Variants in ARHGEF6 observed in about 807,000 individuals in gnomAD.
ARHGEF6 encodes the protein rho guanine nucleotide exchange factor 6.
In ARHGEF6, 9 loss-of-function variants were observed where a neutral mutation model predicts 70.3. The observed-to-expected ratio is 0.13, with a 90% CI of 0.08 to 0.22. ARHGEF6 has a LOEUF of 0.22. Among genes scored for constraint, ARHGEF6 ranks in the 10% least tolerant of loss-of-function variants. The pLI is 1.00. For synonymous variants in ARHGEF6, 201 were observed against 207.8 expected, an observed-to-expected ratio of 0.97 and a Z score of 0.28; for missense variants, 470 against 563.0, an observed-to-expected ratio of 0.83 and a Z score of 1.67.
chrX:136,708,171 T>C (rs1490614108), intron 8 of ARHGEF6, among the ~76,000 whole-genome samples: 1 of 110,934 alleles, frequency 9.0e-6, no homozygotes, highest in Non-Finnish European at 1.9e-5. Context: ...TAAGACCTCA[T>C]GTGTCTCCAG....
intron 2 of ARHGEF6, 29 bp downstream of exon 2, chrX:136,779,385 A>C: frequency 8.5e-7 from 1 of 1,173,336 alleles, no homozygotes; most frequent in South Asian, 1.8e-5. Flanking sequence ...AAACGATGAC[A>C]ACAGGGAAGG....
At chrX:136,697,044 T>C (rs1323071483) in intron 9 of ARHGEF6, among the ~76,000 whole-genome samples, 1 of 109,858 alleles carries the variant, frequency 9.1e-6, no homozygotes, top group East Asian at 2.9e-4. Flanking sequence ...CCAGCCCAAG[T>C]GTAGGGTAGA....
intron 18 of ARHGEF6, among the ~76,000 whole-genome samples, chrX:136,676,071 ATGTGTCCCAAAGTACCT>A (rs912795308): frequency 1.2e-4 from 14 of 112,300 alleles, no homozygotes; most frequent in Admixed American, 4.7e-4. Flanking sequence ...ACTCCTTCAC[ATGTGTCCCAAAGTACCT>A]TGTGTCCCAA....
intron 20 of ARHGEF6, among the ~76,000 whole-genome samples, 153 bp downstream of exon 20, chrX:136,671,867 A>C (rs1284420650): frequency 9.0e-6 from 1 of 111,654 alleles, no homozygotes; most frequent in Non-Finnish European, 1.9e-5. Flanking sequence ...CAGCCCTCTA[A>C]AGTCTCCCAA....
intron 9 of ARHGEF6, among the ~76,000 whole-genome samples, chrX:136,691,782 C>T (rs769175507): frequency 9.9e-5 from 11 of 111,565 alleles, no homozygotes; most frequent in African/African-American, 3.6e-4. Context: ...CCAGGTCCTA[C>T]AGACTACCAT....
chrX:136,719,336 C>T (rs946100071), intron 6 of ARHGEF6, among the ~76,000 whole-genome samples: 4 of 111,387 alleles, frequency 3.6e-5, no homozygotes, highest in African/African-American at 3.3e-5. Flanking sequence ...TGATCTCAGA[C>T]GACAATGTAA....
At chrX:136,677,058 C>A (rs2076288081) in intron 17 of ARHGEF6, among the ~76,000 whole-genome samples, 1 of 112,066 alleles carries the variant, frequency 8.9e-6, no homozygotes, top group Non-Finnish European at 1.9e-5. Flanking sequence ...TAACAGTATT[C>A]CTAATTTGGT....
intron 5 of ARHGEF6, among the ~76,000 whole-genome samples, chrX:136,742,233 G>T (rs2077050395): frequency 9.0e-6 from 1 of 111,440 alleles, no homozygotes; most frequent in Non-Finnish European, 1.9e-5. Context: ...GCAGGAGAAT[G>T]GCGTGAACCC....
chrX:136,675,155 G>C (rs2076266735), intron 18 of ARHGEF6, 59 bp from the exon 19 acceptor site: 1 of 989,327 alleles, frequency 1.0e-6, no homozygotes, highest in Admixed American at 2.3e-5. Flanking sequence ...CCCTCAAAAT[G>C]ATGCAGCACA....
At chrX:136,725,000 C>T (rs1018026062) in intron 6 of ARHGEF6, among the ~76,000 whole-genome samples, 5 of 112,087 alleles carry the variant, frequency 4.5e-5, no homozygotes, top group Admixed American at 1.9e-4. Flanking sequence ...CTCTGCTTCT[C>T]CCCCATTGAA....
intron 2 of ARHGEF6, among the ~76,000 whole-genome samples, chrX:136,754,167 C>A (rs1020476762): frequency 1.8e-5 from 2 of 111,841 alleles, no homozygotes; most frequent in Non-Finnish European, 3.8e-5. Flanking sequence ...TAGGGGAGAA[C>A]CCCTTTCTCT....
intron 7 of ARHGEF6, among the ~76,000 whole-genome samples, chrX:136,713,035 G>A (rs1347921497): frequency 9.2e-6 from 1 of 109,054 alleles, no homozygotes; most frequent in African/African-American, 3.3e-5. Context: ...GATAAAAATT[G>A]TGACAGGAAG....
rs1569402435 is a variant in ARHGEF6 at position 136,707,001 on chromosome X, C to T, written c.953G>A (p.Gly318Asp). Residue 318 changes from glycine (G) to aspartate (D), a missense_variant, in exon 9 of 22, where the codon GGT (glycine) becomes GAT (aspartate). Transcript: ENST00000250617. The stretch of plus-strand genomic sequence containing the variant: ...ATGAGGCATGAGACTCAGTAGACAA[C>T]CTCCTACTTTGTGCTGGTTTTCTGG... ...KFPENQHKVG[G>D]CLLSLMPHFK... is the part of the protein sequence containing the mutation. 8.3e-7 allele frequency: 1 copy of T among 1,210,866 alleles called. No individual in the cohort carries two copies. The highest frequency in any genetic ancestry group is 1.1e-6 in the Non-Finnish European group (1 of 894,535).
chrX:136,713,909 GA>G (rs2076712021), intron 6 of ARHGEF6, among the ~76,000 whole-genome samples: 1 of 112,168 alleles, frequency 8.9e-6, no homozygotes, highest in African/African-American at 3.2e-5. Context: ...CTTAGACATA[GA>G]GACTTAATGT....
intron 2 of ARHGEF6, among the ~76,000 whole-genome samples, chrX:136,762,628 A>G (rs1328395290): frequency 1.8e-5 from 2 of 111,456 alleles, no homozygotes; most frequent in African/African-American, 6.5e-5. Flanking sequence ...AGTAGCAGCA[A>G]TTACAGGCTT....
intron 6 of ARHGEF6, among the ~76,000 whole-genome samples, chrX:136,721,924 T>C (rs2076801926): frequency 4.5e-5 from 5 of 111,281 alleles, no homozygotes; most frequent in Non-Finnish European, 7.5e-5. Flanking sequence ...AGAGAGTGAA[T>C]GTTAATTGTT....
In ARHGEF6 at chrX:136,687,925, C is replaced by T; in HGVS notation, c.1245+7G>A. 8.3e-7 allele frequency: 1 copy of T among 1,198,950 alleles called. No individual in the cohort carries two copies. The highest frequency in any genetic ancestry group is 1.1e-6 in the Non-Finnish European group (1 of 883,623). On this transcript the variant is annotated splice_region_variant and intron_variant, in intron 11 of 21. Transcript: ENST00000250617. ...ATGGAGAATTGTGATTTTAAAGCAT[C>T]ACCTACCATGAGAGTTTTGAATGCT...
chrX:136,698,562 T>C (rs1358990575), intron 9 of ARHGEF6, among the ~76,000 whole-genome samples: 1 of 111,750 alleles, frequency 8.9e-6, no homozygotes, highest in Non-Finnish European at 1.9e-5. Flanking sequence ...TAACAGCTGA[T>C]TTCTCATCAG....
chrX:136,735,150 T>C (rs193076509), intron 5 of ARHGEF6, among the ~76,000 whole-genome samples: 1 of 111,815 alleles, frequency 8.9e-6, no homozygotes, highest in African/African-American at 3.3e-5. Flanking sequence ...CTCTCTGCAG[T>C]CTTGGTCTAG....
Sources: gnomAD v4.1 joint callset for allele counts (sites outside exome capture counted in the v4.1 genomes callset) on GRCh38, gnomAD v4.1.1 for gene constraint, MANE v1.5 for transcripts, NCBI Gene and HGNC (gene_info 2026-07-23, HGNC 2026-07-21) for gene names.